Variants in GRHL2 observed in about 807,000 individuals in gnomAD.
GRHL2 encodes the protein grainyhead-like protein 2 homolog.
GRHL2 carries 21 observed loss-of-function variants against 83.8 expected under a neutral mutation model. The observed-to-expected ratio is 0.25, with a 90% CI of 0.18 to 0.36. GRHL2 has a LOEUF of 0.36. GRHL2 is among the 10% of genes least tolerant of loss of function. The pLI, the probability that GRHL2 is intolerant of heterozygous loss-of-function variation, is 1.00. For missense variants in GRHL2, 623 were observed against 781.8 expected (o/e 0.80, Z 2.42); for synonymous variants, 280 against 278.9 (o/e 1.00, Z -0.04).
intron 14 of GRHL2, among the ~76,000 whole-genome samples, chr8:101,659,958 C>T (rs1299610050): frequency 3.3e-5 from 5 of 152,008 alleles, no homozygotes; most frequent in East Asian, 1.9e-4. Flanking sequence ...GCCAGGGTTA[C>T]GTAGAAGTAT....
Position 101,638,007 on chromosome 8 carries a change from A to G in GRHL2, c.1517+1079A>G, listed in dbSNP as rs1024691486. Reference sequence around the variant, plus strand: ...AGAATAAATATATGTTCTGAACCACATAAGTTGCAGATTATATTGGGAGAT... The same window carrying G: ...AGAATAAATATATGTTCTGAACCACGTAAGTTGCAGATTATATTGGGAGAT... On this transcript the variant is annotated intron_variant, in intron 12 of 15. Transcript: ENST00000646743. Among the ~76,000 whole-genome samples, 73 of 152,230 alleles carry G rather than the reference A, an allele frequency of 4.8e-4. 4 individuals carry two copies. Among genetic ancestry groups the G allele is most frequent in the Non-Finnish European group, 1.5e-4 (10 of 68,036 alleles).
chr8:101,591,370 T>A (rs1010519471), intron 7 of GRHL2, among the ~76,000 whole-genome samples: 1 of 152,212 alleles, frequency 6.6e-6, no homozygotes, highest in Non-Finnish European at 1.5e-5. Flanking sequence ...ATCTTCACAG[T>A]GCTTGCAGTA....
In GRHL2 at chr8:101,492,586, G is replaced by C. The variant is rs1809985333; in HGVS notation, c.-184G>C. 1 of 703,224 alleles carries C rather than the reference G, an allele frequency of 1.4e-6. No individual in the cohort carries two copies. Among genetic ancestry groups the C allele is most frequent in the African/African-American group, 1.8e-5 (1 of 57,070 alleles). 43.6% of individuals were successfully genotyped at this position (703,224 alleles called of 1,614,324 possible). Reference sequence around the variant, plus strand: ...CCCCCTTATCCCACCTTTCCGGCTAGGTGAGGGCGCGAGCGGGCGAGCGAG... The same window carrying C: ...CCCCCTTATCCCACCTTTCCGGCTACGTGAGGGCGCGAGCGGGCGAGCGAG... On this transcript the variant is annotated 5_prime_UTR_variant, in exon 1 of 16. Coordinates refer to ENST00000646743, the MANE Select transcript of GRHL2 (RefSeq NM_024915.4).
intron 7 of GRHL2, among the ~76,000 whole-genome samples, chr8:101,582,170 G>A (rs1812066727): frequency 6.6e-6 from 1 of 151,142 alleles, no homozygotes; most frequent in Non-Finnish European, 1.5e-5. Flanking sequence ...CCCAGGAGGT[G>A]GAGGTTTCAG....
At chr8:101,587,514 C>T (rs1298567503) in intron 7 of GRHL2, among the ~76,000 whole-genome samples, 1 of 152,174 alleles carries the variant, frequency 6.6e-6, no homozygotes, top group Non-Finnish European at 1.5e-5. Flanking sequence ...TTTAAATACA[C>T]ATTTACTGGA....
chr8:101,631,551 A>G (rs1208054336), intron 9 of GRHL2, 86 bp from the exon 10 acceptor site: 5 of 1,059,330 alleles, frequency 4.7e-6, no homozygotes, highest in Non-Finnish European at 7.2e-6. Context: ...GTATTGTTTC[A>G]TATCCTCATG....
chr8:101,671,857 C>G (rs4734576), downstream of GRHL2, among the ~76,000 whole-genome samples: 59,612 of 151,792 alleles, frequency 0.39, 12,084 homozygotes, highest in South Asian at 0.53. Context: ...GGAACGATCA[C>G]GCAGCAGCAC....
intron 14 of GRHL2, among the ~76,000 whole-genome samples, chr8:101,663,336 G>A (rs6996060): frequency 0.095 from 14,395 of 152,080 alleles, 750 homozygotes; most frequent in Middle Eastern, 0.14. Flanking sequence ...AAAATAGGCC[G>A]GGTGTGGTGG....
intron 1 of GRHL2, among the ~76,000 whole-genome samples, chr8:101,524,696 T>A (rs1810765982): frequency 6.6e-6 from 1 of 152,196 alleles, no homozygotes; most frequent in Non-Finnish European, 1.5e-5. Flanking sequence ...ATTTGGTTTG[T>A]ATTATAAGAG....
At chr8:101,650,830 A>ATCTATCTATCTG in intron 14 of GRHL2, among the ~76,000 whole-genome samples, 1 of 151,884 alleles carries the variant, frequency 6.6e-6, no homozygotes, top group Non-Finnish European at 1.5e-5. Flanking sequence ...CTATCTATCT[A>ATCTATCTATCTG]GTATTCATTG....
In GRHL2 at chr8:101,492,461, C is replaced by G. The variant is rs1809981580; in HGVS notation, c.-309C>G. ...TGCGAGAAAGTTACCTGTGGCCGCC[C>G]AAGTCCGCCACTTTCTGCTCTGTGT... is the stretch of plus-strand genomic sequence containing the variant. On this transcript the variant is annotated 5_prime_UTR_variant, in exon 1 of 16. Transcript: ENST00000646743. 6 of 522,876 alleles carry G rather than the reference C, an allele frequency of 1.1e-5. No homozygotes were observed. Among genetic ancestry groups the G allele is most frequent in the Middle Eastern group, 5.2e-4 (1 of 1,928 alleles). The allele number at this position is 522,876 out of a possible 1,614,324, so 32.4% of individuals were successfully genotyped here.
intron 6 of GRHL2, 22 bp downstream of exon 6, chr8:101,573,846 T>C (rs1252856427): frequency 1.9e-6 from 3 of 1,613,808 alleles, no homozygotes; most frequent in Non-Finnish European, 2.5e-6. Context: ...ATTTCTCAGA[T>C]AAAGTACAAA....
intron 15 of GRHL2, among the ~76,000 whole-genome samples, chr8:101,665,492 T>A (rs1814029903): frequency 1.3e-5 from 2 of 152,188 alleles, no homozygotes. Flanking sequence ...ACCTGAGCTC[T>A]TGTTGGAAGA....
intron 7 of GRHL2, among the ~76,000 whole-genome samples, chr8:101,579,438 C>T (rs1812003038): frequency 6.6e-6 from 1 of 152,118 alleles, no homozygotes; most frequent in South Asian, 2.1e-4. Flanking sequence ...TTTCTGTATA[C>T]ACATGTGTCC....
chr8:101,582,039 A>G (rs586489), intron 7 of GRHL2, among the ~76,000 whole-genome samples: 92,806 of 152,044 alleles, frequency 0.61, 30,410 homozygotes, highest in Non-Finnish European at 0.74. Context: ...AAAGTTCCAG[A>G]CCAGCCTGGC....
intron 7 of GRHL2, among the ~76,000 whole-genome samples, chr8:101,591,647 A>G (rs1157166509): frequency 4.6e-5 from 7 of 152,208 alleles, no homozygotes. Context: ...CCGGATTCAA[A>G]TCACAGGTTG....
chr8:101,556,982 C>T (rs2130170291), intron 3 of GRHL2, among the ~76,000 whole-genome samples: 1 of 152,082 alleles, frequency 6.6e-6, no homozygotes, highest in South Asian at 2.1e-4. Flanking sequence ...CCCCCAAATA[C>T]CCATCCCATT....
intron 9 of GRHL2, among the ~76,000 whole-genome samples, chr8:101,628,381 T>G (rs1335722579): frequency 6.6e-6 from 1 of 151,994 alleles, no homozygotes; most frequent in Non-Finnish European, 1.5e-5. Context: ...TTTGGTGGGC[T>G]TCATTTTAAG....
At chr8:101,499,058 G>C (rs1429926995) in intron 1 of GRHL2, among the ~76,000 whole-genome samples, 1 of 145,820 alleles carries the variant, frequency 6.9e-6, no homozygotes, top group African/African-American at 2.6e-5. Context: ...CTGGGAGACA[G>C]CAAGACTCCG....
Sources: allele counts gnomAD v4.1 joint callset (sites outside exome capture counted in the v4.1 genomes callset), GRCh38; gene constraint gnomAD v4.1.1; transcripts MANE v1.5; gene names NCBI Gene and HGNC (gene_info 2026-07-23, HGNC 2026-07-21).